The following RPS6KA2 variants were observed in gnomAD, a reference collection of about 807,000 sequenced individuals.
RPS6KA2 encodes the protein ribosomal protein S6 kinase alpha-2.
RPS6KA2 carries 42 observed loss-of-function variants against 91.8 expected under a neutral mutation model. The ratio of observed to expected loss-of-function variants is 0.46; its 90% CI spans 0.36 to 0.59. RPS6KA2 has a LOEUF of 0.59. Among genes scored for constraint, RPS6KA2 ranks in the 20% least tolerant of loss-of-function variants. The probability of loss-of-function intolerance (pLI) is 0.00; values close to 1 mark genes in which losing one functional copy is unlikely to be tolerated. For missense variants in RPS6KA2, 798 were observed against 978.5 expected, an observed-to-expected ratio of 0.82 and a Z score of 2.46; for synonymous variants, 414 against 393.6, an observed-to-expected ratio of 1.05 and a Z score of -0.61.
chr6:166,593,498 C>T (rs1384178826), intron 1 of RPS6KA2, among the ~76,000 whole-genome samples: 2 of 152,136 alleles, frequency 1.3e-5, no homozygotes, highest in Non-Finnish European at 2.9e-5. Context: ...ACAGTACAGG[C>T]AACCAGGTCC....
intron 1 of RPS6KA2, among the ~76,000 whole-genome samples, chr6:166,587,997 T>C (rs542869986): frequency 6.6e-6 from 1 of 152,308 alleles, no homozygotes; most frequent in South Asian, 2.1e-4. Context: ...GAATGCAAAA[T>C]ATGCAGCATA....
At chr6:166,800,233 C>G (rs970817969) in intron 2 of RPS6KA2, among the ~76,000 whole-genome samples, 4 of 152,162 alleles carry the variant, frequency 2.6e-5, no homozygotes, top group African/African-American at 9.7e-5. Flanking sequence ...ACCAGGAGGC[C>G]GGCAAAGAGG....
intron 2 of RPS6KA2, among the ~76,000 whole-genome samples, chr6:166,663,450 G>A (rs1320171361): frequency 6.6e-6 from 1 of 152,202 alleles, no homozygotes; most frequent in Non-Finnish European, 1.5e-5. Context: ...CTTCTCTACT[G>A]AGAGCGGGTT....
Position 166,489,168 on chromosome 6 carries a change from C to T in RPS6KA2, c.819-247G>A, listed in dbSNP as rs547089768. 1.2e-4 allele frequency among the ~76,000 whole-genome samples: 19 copies of T among 152,144 alleles called. No individual in the cohort carries two copies. In the East Asian group the frequency reaches 3.5e-3, roughly 28 times the overall value. Reference sequence around the variant, plus strand: ...GTAAAGTGAGAAATTTGTATAATTTCCATTTCCTAATTCACTTTAATAAAT... The same window carrying T: ...GTAAAGTGAGAAATTTGTATAATTTTCATTTCCTAATTCACTTTAATAAAT... On this transcript the variant is annotated intron_variant, in intron 9 of 20. Transcript: ENST00000265678.
intron 2 of RPS6KA2, among the ~76,000 whole-genome samples, chr6:166,853,026 A>C (rs1780786928): frequency 6.6e-6 from 1 of 152,222 alleles, no homozygotes; most frequent in Non-Finnish European, 1.5e-5. Context: ...AAGGAAATGA[A>C]GTGGAATCAC....
intron 17 of RPS6KA2, among the ~76,000 whole-genome samples, chr6:166,421,349 T>C (rs1778712801): frequency 6.6e-6 from 1 of 152,208 alleles, no homozygotes; most frequent in African/African-American, 2.4e-5. Flanking sequence ...CAAAATATGC[T>C]GCATAGGCGT....
At chr6:166,830,142 G>A (rs112975461) in intron 2 of RPS6KA2, among the ~76,000 whole-genome samples, 804 of 21,384 alleles carry the variant, frequency 0.038, 14 homozygotes, top group African/African-American at 0.12. Context: ...AAAAAAAAAA[G>A]AAAGAAAGAA....
intron 2 of RPS6KA2, among the ~76,000 whole-genome samples, chr6:166,843,161 T>C (rs943148660): frequency 6.6e-6 from 1 of 152,108 alleles, no homozygotes; most frequent in Non-Finnish European, 1.5e-5. Context: ...AGAGGCCCCC[T>C]GCGAACATAG....
At chr6:166,461,605 G>C (rs1455183718) in intron 11 of RPS6KA2, among the ~76,000 whole-genome samples, 7 of 149,264 alleles carry the variant, frequency 4.7e-5, no homozygotes, top group African/African-American at 1.7e-4. Context: ...GGGGAAGGGG[G>C]TAAGAAAGAG....
chr6:166,681,778 T>G (rs2128566739), intron 2 of RPS6KA2, among the ~76,000 whole-genome samples: 1 of 139,144 alleles, frequency 7.2e-6, no homozygotes, highest in African/African-American at 2.8e-5. Flanking sequence ...TGTTTGACCC[T>G]TGTGGCCCAG....
At chr6:166,462,653 C>T (rs550442289) in intron 11 of RPS6KA2, among the ~76,000 whole-genome samples, 9 of 152,336 alleles carry the variant, frequency 5.9e-5, no homozygotes, top group African/African-American at 2.2e-4. Context: ...CTGGGATGCC[C>T]AGTGAGGAGG....
Position 166,626,931 on chromosome 6 carries a change from C to T in RPS6KA2, c.89G>A (p.Ser30Asn), listed in dbSNP as rs925959760. The T allele has an allele frequency of 5.8e-6, 9 of 1,540,052 alleles. No homozygotes were observed. Among genetic ancestry groups the T allele is most frequent in the Non-Finnish European group, 7.0e-6 (8 of 1,141,352 alleles). The change falls in exon 1 of 21, where the codon AGC (serine) becomes AAC (asparagine). Residue 30 changes from serine (S) to asparagine (N), a missense_variant. Coordinates refer to ENST00000265678, the MANE Select transcript of RPS6KA2 (RefSeq NM_021135.6). The surrounding 1 kb of genome is among the most constrained non-coding windows in gnomAD (Gnocchi z 4.1). ...GGGCGGCCGCATTACCTCGAGCCGG[C>T]TCAGGCTGGAGCTCTTGGAGCGCGA... ...RKSRSKSSSL[S>N]RLEEEGVVKE...
chr6:166,794,008 T>A (rs1419596864), intron 2 of RPS6KA2, among the ~76,000 whole-genome samples: 5 of 140,024 alleles, frequency 3.6e-5, no homozygotes, highest in South Asian at 2.7e-4. Flanking sequence ...ACAAATGGGA[T>A]CTAATTAAAC....
At chr6:166,817,167 A>C (rs1165868527) in intron 2 of RPS6KA2, among the ~76,000 whole-genome samples, 1 of 150,562 alleles carries the variant, frequency 6.6e-6, no homozygotes, top group African/African-American at 2.4e-5. Flanking sequence ...TCAGACCTGA[A>C]GGCCAAAAAG....
At chr6:166,624,780 A>G (rs180706352) in intron 1 of RPS6KA2, among the ~76,000 whole-genome samples, 4 of 152,328 alleles carry the variant, frequency 2.6e-5, no homozygotes, top group Non-Finnish European at 4.4e-5. Context: ...TTTCACAAGT[A>G]TCAAATAATA....
In RPS6KA2 at chr6:166,626,974, C is replaced by T; in HGVS notation, c.46G>A (p.Val16Met). 6.4e-7 allele frequency: 1 copy of T among 1,565,486 alleles called. No individual in the cohort carries two copies. Among genetic ancestry groups the T allele is most frequent in the African/African-American group, 1.4e-5 (1 of 71,594 alleles). The part of the protein sequence containing the change: ...KKFAVRRFFS[V>M]YLRRKSRSKS... The stretch of plus-strand genomic sequence containing the variant: ...GAGCGCGACTTCCTGCGCAGGTACA[C>T]AGAGAAGAACCTGCGCACGGCGAAC... Residue 16 changes from valine to methionine, a missense_variant, in exon 1 of 21, where the codon GTG becomes ATG. By Grantham distance (21) the Val-to-Met change is conservative. Coordinates refer to ENST00000265678, the MANE Select transcript of RPS6KA2 (RefSeq NM_021135.6). This position sits in a 1 kb window ranked among gnomAD's most constrained non-coding sequence, Gnocchi z 4.1.
rs191580179 is a variant in RPS6KA2 at position 166,683,901 on chromosome 6, A to G, written c.124-145117T>C. Among the ~76,000 whole-genome samples, 26 of 152,336 alleles carry G rather than the reference A, an allele frequency of 1.7e-4. 1 individual carries two copies. Among genetic ancestry groups the G allele is most frequent in the Admixed American group, 1.5e-3 (23 of 15,308 alleles). On this transcript the variant is annotated intron_variant, in intron 2 of 21. Transcript: ENST00000503859. ...GTCCCTAAGGTTCCAGCCCCCAGGC[A>G]GGCCTACAACAGCCACGGCACCTCC... is the stretch of plus-strand genomic sequence containing the variant.
At chr6:166,576,061 T>A (rs907631349) in intron 1 of RPS6KA2, among the ~76,000 whole-genome samples, 8 of 152,166 alleles carry the variant, frequency 5.3e-5, no homozygotes, top group African/African-American at 1.7e-4. Context: ...TCTCAGGAGA[T>A]GTGATGGGTT....
intron 14 of RPS6KA2, among the ~76,000 whole-genome samples, chr6:166,444,101 C>G (rs949718062): frequency 6.6e-6 from 1 of 152,156 alleles, no homozygotes; most frequent in Non-Finnish European, 1.5e-5. Flanking sequence ...TTATGTTAAG[C>G]AACAAAGTCC....
Sources: allele counts gnomAD v4.1 joint callset (sites outside exome capture counted in the v4.1 genomes callset), GRCh38; gene constraint gnomAD v4.1.1; non-coding constraint Gnocchi (gnomAD v3.1); transcripts MANE v1.5; gene names NCBI Gene and HGNC (gene_info 2026-07-23, HGNC 2026-07-21).